SLC41A2: variants seen among roughly 807,000 people sequenced by gnomAD.
SLC41A2 encodes the protein SLC41A1-like 1.
Under a neutral mutation model 58.3 loss-of-function variants are expected in SLC41A2, and 32 were observed. That is an observed-to-expected ratio of 0.55 (90% CI 0.41 to 0.74). SLC41A2 has a LOEUF of 0.74. Among genes scored for constraint, SLC41A2 ranks in the 30% least tolerant of loss-of-function variants. SLC41A2 has a pLI of 0.00. For missense variants in SLC41A2, 514 were observed against 680.6 expected, an observed-to-expected ratio of 0.76 and a Z score of 2.72; for synonymous variants, 190 against 235.0, an observed-to-expected ratio of 0.81 and a Z score of 1.75.
chr12:104,853,797 G>A (rs1014177000), intron 8 of SLC41A2, among the ~76,000 whole-genome samples: 1 of 151,832 alleles, frequency 6.6e-6, no homozygotes, highest in Non-Finnish European at 1.5e-5. Context: ...AGGTTGGAAT[G>A]CAGTGGTGCA....
intron 1 of SLC41A2, among the ~76,000 whole-genome samples, chr12:104,935,748 T>C (rs535254597): frequency 6.6e-6 from 1 of 152,212 alleles, no homozygotes; most frequent in South Asian, 2.1e-4. Flanking sequence ...AGCTCAAAAA[T>C]TCCTATTGCC....
intron 10 of SLC41A2, among the ~76,000 whole-genome samples, chr12:104,810,864 C>A (rs2041143475): frequency 6.6e-6 from 1 of 152,218 alleles, no homozygotes; most frequent in African/African-American, 2.4e-5. Context: ...GGCTCAAATT[C>A]ACAGAGTCCA....
intron 2 of SLC41A2, among the ~76,000 whole-genome samples, chr12:104,923,802 C>T (rs1298983812): frequency 6.6e-6 from 1 of 152,084 alleles, no homozygotes; most frequent in Non-Finnish European, 1.5e-5. Flanking sequence ...AAACATAAGC[C>T]CCATTTCATA....
chr12:104,806,111 C>T (rs993651094), intron 10 of SLC41A2, among the ~76,000 whole-genome samples: 1 of 151,922 alleles, frequency 6.6e-6, no homozygotes, highest in Non-Finnish European at 1.5e-5. Context: ...ATGTGCACAA[C>T]GTGCAGGTTT....
intron 10 of SLC41A2, among the ~76,000 whole-genome samples, chr12:104,842,964 G>A (rs746514770): frequency 1.3e-5 from 2 of 151,914 alleles, no homozygotes; most frequent in Non-Finnish European, 2.9e-5. Context: ...TATTTCCCCT[G>A]GGATTGAAGA....
chr12:104,941,517 AT>A, intron 1 of SLC41A2, among the ~76,000 whole-genome samples: 1 of 152,324 alleles, frequency 6.6e-6, no homozygotes, highest in East Asian at 1.9e-4. Flanking sequence ...GTTAATATAA[AT>A]TTTTTAAAGG....
At chr12:104,818,364 C>T (rs1456649150) in intron 10 of SLC41A2, among the ~76,000 whole-genome samples, 1 of 152,112 alleles carries the variant, frequency 6.6e-6, no homozygotes, top group African/African-American at 2.4e-5. Context: ...AAAATTTCAT[C>T]CTCTGAAATT....
intron 2 of SLC41A2, among the ~76,000 whole-genome samples, chr12:104,913,475 T>C (rs1593128912): frequency 6.6e-6 from 1 of 152,178 alleles, no homozygotes; most frequent in Non-Finnish European, 1.5e-5. Context: ...AAGAGACCAG[T>C]GATCACAGAG....
chr12:104,945,114 G>C (rs545074019), intron 1 of SLC41A2, among the ~76,000 whole-genome samples: 3 of 149,126 alleles, frequency 2.0e-5, no homozygotes, highest in African/African-American at 7.4e-5. Context: ...AGGTTGCAGT[G>C]AGCCGAGATC....
intron 2 of SLC41A2, among the ~76,000 whole-genome samples, chr12:104,913,376 C>T (rs997008924): frequency 6.6e-6 from 1 of 152,130 alleles, no homozygotes; most frequent in African/African-American, 2.4e-5. Flanking sequence ...CAGAAATCAA[C>T]CTTTTCAAAA....
intron 4 of SLC41A2, among the ~76,000 whole-genome samples, chr12:104,892,218 G>T (rs981734794): frequency 1.3e-5 from 2 of 151,502 alleles, no homozygotes; most frequent in Non-Finnish European, 2.9e-5. Context: ...AACTCAGGAG[G>T]CGGAGGCTGT....
At chr12:104,873,256 C>G (rs2043875905) in intron 6 of SLC41A2, among the ~76,000 whole-genome samples, 1 of 151,992 alleles carries the variant, frequency 6.6e-6, no homozygotes, top group African/African-American at 2.4e-5. Context: ...TTTAAAGATT[C>G]TCTATATAAA....
intron 1 of SLC41A2, among the ~76,000 whole-genome samples, chr12:104,936,622 G>T (rs925728806): frequency 2.0e-5 from 3 of 152,112 alleles, no homozygotes; most frequent in Admixed American, 2.0e-4. Flanking sequence ...GATCTCATGA[G>T]ACCCATTCAC....
chr12:104,904,134 T>G (rs892068116), intron 3 of SLC41A2, among the ~76,000 whole-genome samples: 11 of 152,226 alleles, frequency 7.2e-5, no homozygotes, highest in African/African-American at 2.7e-4. Flanking sequence ...CAAAACAGAC[T>G]GGTGTTTTAA....
At chr12:104,807,445 C>G (rs1475268391) in intron 10 of SLC41A2, among the ~76,000 whole-genome samples, 1 of 152,068 alleles carries the variant, frequency 6.6e-6, no homozygotes, top group Non-Finnish European at 1.5e-5. Flanking sequence ...TGGTACAGTA[C>G]CATGCTGTTT....
intron 1 of SLC41A2, among the ~76,000 whole-genome samples, chr12:104,935,387 G>A (rs2047222479): frequency 1.8e-5 from 2 of 112,986 alleles, no homozygotes; most frequent in Non-Finnish European, 4.1e-5. Context: ...TCAGTGAGGT[G>A]ATGTATATGT....
intron 10 of SLC41A2, among the ~76,000 whole-genome samples, chr12:104,842,780 GA>G (rs1236978010): frequency 1.3e-5 from 2 of 152,026 alleles, no homozygotes; most frequent in African/African-American, 2.4e-5. Context: ...TAATAAACTA[GA>G]AAAATTACTT....
At chr12:104,871,902 G>T (rs1382934562) in intron 6 of SLC41A2, among the ~76,000 whole-genome samples, 2 of 152,174 alleles carry the variant, frequency 1.3e-5, no homozygotes, top group African/African-American at 4.8e-5. Flanking sequence ...AAGCTATAAT[G>T]ACCAGCCACA....
chr12:104,883,900 G>A (rs1287241948), intron 6 of SLC41A2, among the ~76,000 whole-genome samples: 3 of 152,192 alleles, frequency 2.0e-5, no homozygotes, highest in South Asian at 2.1e-4. Flanking sequence ...GTTTAAGTCC[G>A]CAGAAGTTTC....
Sources: allele counts gnomAD v4.1 joint callset (sites outside exome capture counted in the v4.1 genomes callset), GRCh38; gene constraint gnomAD v4.1.1; transcripts MANE v1.5; gene names NCBI Gene and HGNC (gene_info 2026-07-23, HGNC 2026-07-21).